AUTS2: variants seen among roughly 807,000 people sequenced by gnomAD.
The protein encoded by AUTS2 is autism susceptibility gene 2 protein.
AUTS2 carries 17 observed loss-of-function variants against 112.4 expected under a neutral mutation model. The ratio of observed to expected loss-of-function variants is 0.15; its 90% confidence interval spans 0.10 to 0.23. The LOEUF (loss-of-function observed/expected upper bound fraction) is 0.23, where lower values mean the gene tolerates loss of function less well. Ranked by LOEUF, AUTS2 falls within the 10% of genes least tolerant of loss-of-function variation. The pLI is 1.00. For synonymous variants in AUTS2, 751 were observed against 702.7 expected (o/e 1.07, Z -1.09); for missense variants, 1,510 against 1,701.6 (o/e 0.89, Z 1.98).
chr7:69,750,294 A>G lies in AUTS2; in HGVS notation c.310-148992A>G, dbSNP rs372483814. On this transcript the variant is annotated intron_variant, in intron 1 of 18. Transcript: ENST00000342771. ...TGACCCACATGAGAAGGTGGAGGGA[A>G]TGCTGACAAATATTGATTGCCTTTC... Among the ~76,000 whole-genome samples, 21 of 151,796 alleles carry G rather than the reference A, an allele frequency of 1.4e-4. 1 individual carries two copies. The highest frequency in any genetic ancestry group is 9.6e-4 in the East Asian group (5 of 5,190).
At chr7:69,847,089 C>T (rs1792237168) in intron 1 of AUTS2, among the ~76,000 whole-genome samples, 1 of 152,040 alleles carries the variant, frequency 6.6e-6, no homozygotes, top group Admixed American at 6.6e-5. Context: ...TAATTTTTCC[C>T]CTCTCCCCTA....
intron 5 of AUTS2, among the ~76,000 whole-genome samples, chr7:70,576,814 G>A (rs995375108): frequency 6.6e-6 from 1 of 152,148 alleles, no homozygotes; most frequent in Non-Finnish European, 1.5e-5. Flanking sequence ...GAAAAGTGTT[G>A]GATTAGATCA....
At chr7:70,332,731 T>C (rs1790813474) in intron 4 of AUTS2, among the ~76,000 whole-genome samples, 1 of 152,130 alleles carries the variant, frequency 6.6e-6, no homozygotes. Context: ...CCCTACTTAA[T>C]AAATGGTGTT....
chr7:70,703,514 G>C (rs1347101830), intron 6 of AUTS2, among the ~76,000 whole-genome samples: 1 of 140,068 alleles, frequency 7.1e-6, no homozygotes, highest in Non-Finnish European at 1.5e-5. Context: ...AAAAAAAAAG[G>C]CCTTTCCATA....
chr7:70,380,630 G>A (rs542431953), intron 4 of AUTS2, among the ~76,000 whole-genome samples: 13 of 152,330 alleles, frequency 8.5e-5, no homozygotes, highest in East Asian at 7.7e-4. Flanking sequence ...AGAAACTGTC[G>A]AATCCAAAGG....
At position 70,623,895 on chromosome 7, in the gene AUTS2, T is replaced by G. The variant is rs79367368; in HGVS notation, c.691-74674T>G. ...TCAAAGTGTTCTCTGCTGTTTCTGATGAACTGCCGTTCTCCAGCTCTTCCC... is the reference window on the plus strand; with the variant it reads ...TCAAAGTGTTCTCTGCTGTTTCTGAGGAACTGCCGTTCTCCAGCTCTTCCC... On this transcript the variant is annotated intron_variant, in intron 5 of 18. Coordinates refer to ENST00000342771, the MANE Select transcript of AUTS2 (RefSeq NM_015570.4). Among the ~76,000 whole-genome samples the G allele has an allele frequency of 3.3e-3, 496 of 152,322 alleles. 10 individuals are homozygous for G. In the East Asian group the frequency reaches 0.049, roughly 15 times the overall value.
chr7:70,461,696 G>T (rs1293460530), intron 5 of AUTS2, among the ~76,000 whole-genome samples: 1 of 152,094 alleles, frequency 6.6e-6, no homozygotes, highest in Non-Finnish European at 1.5e-5. Flanking sequence ...TAAGAAAACT[G>T]AACGGTAATG....
At chr7:69,673,930 G>C (rs546945383) in intron 1 of AUTS2, among the ~76,000 whole-genome samples, 1 of 152,342 alleles carries the variant, frequency 6.6e-6, no homozygotes, top group African/African-American at 2.4e-5. Context: ...TTTCTTCATA[G>C]ATGCTTTAAC....
intron 3 of AUTS2, among the ~76,000 whole-genome samples, chr7:70,128,456 A>G (rs76303409): frequency 4.8e-4 from 73 of 152,342 alleles, no homozygotes; most frequent in African/African-American, 1.7e-3. Context: ...GTGTGATTAG[A>G]TAAGGCCTTT....
intron 1 of AUTS2, among the ~76,000 whole-genome samples, chr7:69,670,139 G>GT (rs1796250210): frequency 6.6e-6 from 1 of 152,102 alleles, no homozygotes; most frequent in African/African-American, 2.4e-5. Context: ...TCTTCTTTAA[G>GT]GTTGAGTCTT....
Position 69,744,725 on chromosome 7 carries a change from A to G in AUTS2, c.309+144763A>G, listed in dbSNP as rs565811185. ...GTGGCATATGCCTGTAGTCCCTGTT[A>G]TCTGGGGATGCTGAGGATCACTTGA... On this transcript the variant is annotated intron_variant, in intron 1 of 18. Transcript: ENST00000342771. Among the ~76,000 whole-genome samples, 285 of 152,130 alleles carry G rather than the reference A, an allele frequency of 1.9e-3. 1 individual carries two copies. Among genetic ancestry groups the G allele is most frequent in the Non-Finnish European group, 3.7e-3 (253 of 67,980 alleles).
At chr7:70,681,272 C>T (rs1329177997) in intron 5 of AUTS2, among the ~76,000 whole-genome samples, 3 of 152,142 alleles carry the variant, frequency 2.0e-5, no homozygotes, top group Non-Finnish European at 4.4e-5. Flanking sequence ...CCGGGCCTGG[C>T]GGGAATCCTG....
intron 4 of AUTS2, among the ~76,000 whole-genome samples, chr7:70,424,381 C>T (rs1238841391): frequency 6.6e-6 from 1 of 152,126 alleles, no homozygotes; most frequent in Non-Finnish European, 1.5e-5. Context: ...GAAGTAGTTT[C>T]TTTGTATAGC....
chr7:69,899,193 A>T, intron 1 of AUTS2, 93 bp from the exon 2 acceptor site: 1 of 904,048 alleles, frequency 1.1e-6, no homozygotes, highest in Admixed American at 2.1e-5. Flanking sequence ...CCCACTTAGT[A>T]GTAACACCCT....
chr7:70,228,774 A>C (rs955021329), intron 4 of AUTS2, among the ~76,000 whole-genome samples: 1 of 151,926 alleles, frequency 6.6e-6, no homozygotes, highest in African/African-American at 2.4e-5. Context: ...ACATACATCT[A>C]TATATCTTAT....
At chr7:69,675,706 T>A (rs937146679) in intron 1 of AUTS2, among the ~76,000 whole-genome samples, 1 of 151,806 alleles carries the variant, frequency 6.6e-6, no homozygotes, top group African/African-American at 2.4e-5. Context: ...GGGGTTTCTC[T>A]ATGCTGGCCA....
At chr7:70,609,831 T>C (rs900383416) in intron 5 of AUTS2, among the ~76,000 whole-genome samples, 2 of 152,230 alleles carry the variant, frequency 1.3e-5, no homozygotes, top group African/African-American at 4.8e-5. Flanking sequence ...GTGAATTCCA[T>C]GTCTTGGCTA....
chr7:69,627,546 T>C (rs2129099221), intron 1 of AUTS2, among the ~76,000 whole-genome samples: 1 of 152,154 alleles, frequency 6.6e-6, no homozygotes, highest in East Asian at 1.9e-4. Context: ...TCAGACACTT[T>C]AGTAGCTACT....
At chr7:70,305,842 G>A (rs1213578088) in intron 4 of AUTS2, among the ~76,000 whole-genome samples, 1 of 152,112 alleles carries the variant, frequency 6.6e-6, no homozygotes, top group Non-Finnish European at 1.5e-5. Flanking sequence ...CATCTGGTGA[G>A]TATAAATTCT....
Sources: gnomAD v4.1 joint callset for allele counts (sites outside exome capture counted in the v4.1 genomes callset) on GRCh38, gnomAD v4.1.1 for gene constraint, MANE v1.5 for transcripts, NCBI Gene and HGNC (gene_info 2026-07-23, HGNC 2026-07-21) for gene names.